The following TDRP variants were observed in gnomAD, a reference collection of about 807,000 sequenced individuals.
TDRP encodes testis development-related protein.
Under a neutral mutation model 10.5 loss-of-function variants are expected in TDRP, and 12 were observed. The observed-to-expected ratio is 1.15, with a 90% confidence interval of 0.73 to 1.86. The LOEUF (loss-of-function observed/expected upper bound fraction) is 1.86, where lower values mean the gene tolerates loss of function less well. TDRP is among the 40% of genes most tolerant of loss of function. The pLI is 0.00. For missense variants in TDRP, 353 were observed against 229.2 expected (o/e 1.54, Z -3.49); for synonymous variants, 139 against 95.4 (o/e 1.46, Z -2.67).
chr8:540,583 G>A (rs1430665885), intron 1 of TDRP, among the ~76,000 whole-genome samples: 1 of 152,062 alleles, frequency 6.6e-6, no homozygotes, highest in Non-Finnish European at 1.5e-5. Context: ...GGATTGCAAT[G>A]AATGATTCTC....
chr8:529,573 G>A (rs1411503571), intron 1 of TDRP, among the ~76,000 whole-genome samples: 4 of 77,458 alleles, frequency 5.2e-5, no homozygotes, highest in African/African-American at 2.2e-4. Context: ...GAACTTCTTT[G>A]GCTTTGGTTA....
At chr8:500,552 A>G (rs545386989) in intron 1 of TDRP, among the ~76,000 whole-genome samples, 2 of 152,384 alleles carry the variant, frequency 1.3e-5, no homozygotes, top group Admixed American at 1.3e-4. Context: ...GCCATCCTTC[A>G]TACTTAATCT....
At chr8:516,912 A>G (rs1465042608) in intron 1 of TDRP, among the ~76,000 whole-genome samples, 1 of 152,206 alleles carries the variant, frequency 6.6e-6, no homozygotes, top group Admixed American at 6.5e-5. Context: ...ATGATAGAAT[A>G]CTATTCAGTG....
At position 492,463 on chromosome 8, in the gene TDRP, C is replaced by G. The variant is rs1409078485; in HGVS notation, c.494G>C (p.Arg165Thr). 1 of 1,602,182 alleles carries G rather than the reference C, an allele frequency of 6.2e-7. No individual in the cohort carries two copies. The highest frequency in any genetic ancestry group is 8.5e-7 in the Non-Finnish European group (1 of 1,171,448). The change falls in exon 3 of 3, where the codon AGG becomes ACG. Residue 165 changes from arginine (R) to threonine (T), a missense_variant. Coordinates refer to ENST00000324079, the MANE Select transcript of TDRP (RefSeq NM_001384899.1). ...SSRWSLRAAG[R>T]LVSIRRQSKG... ...ACTCTGCCGTCGGATGCTCACCAGC[C>G]TCCCTGCCGCGCGCAGGCTCCACCT...
At chr8:517,430 T>C (rs975775651) in intron 1 of TDRP, among the ~76,000 whole-genome samples, 1 of 152,114 alleles carries the variant, frequency 6.6e-6, no homozygotes, top group South Asian at 2.1e-4. Context: ...ACATTTACCA[T>C]CTATTCTCTC....
intron 1 of TDRP, among the ~76,000 whole-genome samples, chr8:513,455 C>G (rs908346854): frequency 6.6e-6 from 1 of 152,138 alleles, no homozygotes; most frequent in African/African-American, 2.4e-5. Flanking sequence ...ATCCAATACT[C>G]TTTCATGATA....
At chr8:515,568 T>C (rs1194832584) in intron 1 of TDRP, among the ~76,000 whole-genome samples, 3 of 152,200 alleles carry the variant, frequency 2.0e-5, no homozygotes. Flanking sequence ...TTGGAGCATT[T>C]CACATTTTTA....
At chr8:530,563 G>C (rs1464548892) in intron 1 of TDRP, among the ~76,000 whole-genome samples, 1 of 152,146 alleles carries the variant, frequency 6.6e-6, no homozygotes, top group East Asian at 1.9e-4. Flanking sequence ...TTCTGGGGAT[G>C]AATCTTCTCT....
chr8:494,675 G>C, intron 1 of TDRP, 78 bp from the exon 2 acceptor site: 1 of 1,318,930 alleles, frequency 7.6e-7, no homozygotes, highest in Non-Finnish European at 1.1e-6. Context: ...AATAACCATG[G>C]AGTTGAAATT....
intron 1 of TDRP, among the ~76,000 whole-genome samples, chr8:520,404 G>A (rs116181637): frequency 5.6e-4 from 85 of 152,282 alleles, no homozygotes; most frequent in African/African-American, 2.0e-3. Context: ...GTGCTGTAAT[G>A]AACATGGGTG....
At position 494,399 on chromosome 8, in the gene TDRP, A is replaced by C; in HGVS notation, c.212+95T>G. On this transcript the variant is annotated intron_variant, in intron 2 of 2. Transcript: ENST00000324079. ...GCCGCGCCCCACAATGCCTCCAGTT[A>C]CACTGCATTTATGCCATCAAATCTT... 4.8e-6 allele frequency: 6 copies of C among 1,249,898 alleles called. No homozygotes were observed. In the South Asian group the frequency reaches 7.8e-5, roughly 16 times the overall value. 77.4% of individuals were successfully genotyped at this position (1,249,898 alleles called of 1,614,324 possible). A position where few individuals can be genotyped will look rare whatever the true frequency, so the allele number is the denominator to read the frequency against.
At chr8:537,447 T>C (rs1688237173) in intron 1 of TDRP, among the ~76,000 whole-genome samples, 1 of 152,216 alleles carries the variant, frequency 6.6e-6, no homozygotes, top group African/African-American at 2.4e-5. Context: ...ATTTCTATTA[T>C]TTAATAACAA....
Position 490,726 on chromosome 8 carries a change from C to G in TDRP, c.*1673G>C, listed in dbSNP as rs1432188698. ...AGAATTTGTCAACTTAGCTGTTATA[C>G]TAAAAATTATGAACTTGTCTCTGTA... On this transcript the variant is annotated 3_prime_UTR_variant, in exon 3 of 3. Transcript: ENST00000324079. 1 of 152,184 alleles carries G rather than the reference C, an allele frequency of 6.6e-6. No homozygotes were observed. Among genetic ancestry groups the G allele is most frequent in the Non-Finnish European group, 1.5e-5 (1 of 68,030 alleles). The allele number at this position is 152,184 out of a possible 1,614,324, so 9.4% of individuals were successfully genotyped here.
At chr8:537,996 G>T (rs1293365414) in intron 1 of TDRP, among the ~76,000 whole-genome samples, 1 of 152,070 alleles carries the variant, frequency 6.6e-6, no homozygotes, top group Non-Finnish European at 1.5e-5. Flanking sequence ...AAGTTTTCTT[G>T]GTTGGGAAGA....
intron 1 of TDRP, among the ~76,000 whole-genome samples, chr8:519,398 T>TTA (rs1801839033): frequency 6.6e-6 from 1 of 152,130 alleles, no homozygotes; most frequent in East Asian, 1.9e-4. Context: ...AACCCCCACT[T>TTA]TAGAGTCAGC....
At position 492,756 on chromosome 8, in the gene TDRP, G is replaced by C. The variant is rs368620523; in HGVS notation, c.213-12C>G. On this transcript the variant is annotated splice_polypyrimidine_tract_variant and intron_variant, in intron 2 of 2. Coordinates refer to ENST00000324079, the MANE Select transcript of TDRP (RefSeq NM_001384899.1). The stretch of plus-strand genomic sequence containing the variant: ...ATCGTAAGTTAGTTCTATAGGAGAT[G>C]AAAGAGTTAGGTGTTGGTGACCCAG... 2 of 1,575,172 alleles carry C rather than the reference G, an allele frequency of 1.3e-6. No individual in the cohort carries two copies. The highest frequency in any genetic ancestry group is 2.7e-5 in the African/African-American group (2 of 73,658).
chr8:544,236 C>G (rs1471081870), intron 1 of TDRP, among the ~76,000 whole-genome samples: 1 of 152,116 alleles, frequency 6.6e-6, no homozygotes, highest in East Asian at 1.9e-4. Context: ...CAGCTCCACC[C>G]GGGACGCGAG....
At chr8:525,400 T>C (rs545047208) in intron 1 of TDRP, among the ~76,000 whole-genome samples, 86 of 152,286 alleles carry the variant, frequency 5.6e-4, no homozygotes, top group South Asian at 5.0e-3. Context: ...ACTAAGTACA[T>C]AGAAAAACAG....
intron 1 of TDRP, among the ~76,000 whole-genome samples, chr8:495,375 C>T (rs184212263): frequency 1.1e-3 from 174 of 152,346 alleles, no homozygotes; most frequent in African/African-American, 4.0e-3. Flanking sequence ...TCAGCATCTC[C>T]ATGGAGACAG....
Sources: allele counts gnomAD v4.1 joint callset (sites outside exome capture counted in the v4.1 genomes callset), GRCh38; gene constraint gnomAD v4.1.1; transcripts MANE v1.5; gene names NCBI Gene and HGNC (gene_info 2026-07-23, HGNC 2026-07-21).